HPSE: variants seen among roughly 807,000 people sequenced by gnomAD.
HPSE encodes the protein endo-glucoronidase.
Under a neutral mutation model 65.1 loss-of-function variants are expected in HPSE, and 48 were observed. The observed-to-expected ratio is 0.74, with a 90% confidence interval of 0.58 to 0.94. The LOEUF is 0.94. Among genes scored for constraint, HPSE ranks in the 40% least tolerant of loss-of-function variants. The probability of loss-of-function intolerance (pLI) is 0.00; values close to 1 mark genes in which losing one functional copy is unlikely to be tolerated. For missense variants in HPSE, 644 were observed against 637.5 expected (o/e 1.01, Z -0.11); for synonymous variants, 243 against 260.0 (o/e 0.93, Z 0.63).
rs369900817 is a variant in HPSE at position 83,313,300 on chromosome 4, C to T, written c.500-13G>A. 1.3e-5 allele frequency: 20 copies of T among 1,593,044 alleles called. No homozygotes were observed. The highest frequency in any genetic ancestry group is 1.7e-4 in the Middle Eastern group (1 of 5,984). On this transcript the variant is annotated splice_polypyrimidine_tract_variant and intron_variant, in intron 3 of 11. Coordinates refer to ENST00000311412, the MANE Select transcript of HPSE (RefSeq NM_001098540.3). ...TCTACAGAGCTTCCTAAAAGAAAAA[C>T]GTCACAATTTAATGGTTAGATTGGC...
chr4:83,303,062 T>C (rs1446481414), intron 9 of HPSE, among the ~76,000 whole-genome samples: 1 of 152,126 alleles, frequency 6.6e-6, no homozygotes, highest in Non-Finnish European at 1.5e-5. Flanking sequence ...TAGGCAATGG[T>C]CATCAGTAGC....
At chr4:83,297,990 A>G (rs1214762033) in intron 11 of HPSE, among the ~76,000 whole-genome samples, 1 of 152,336 alleles carries the variant, frequency 6.6e-6, no homozygotes, top group East Asian at 1.9e-4. Context: ...ACTGTGAATT[A>G]ATCCTGCTGG....
At chr4:83,299,791 C>T (rs576315153) in intron 11 of HPSE, among the ~76,000 whole-genome samples, 122 of 152,056 alleles carry the variant, frequency 8.0e-4, no homozygotes, top group African/African-American at 2.7e-3. Flanking sequence ...GCAGCCATGA[C>T]CCCCCTGGGC....
intron 11 of HPSE, among the ~76,000 whole-genome samples, chr4:83,297,593 A>C (rs534367494): frequency 3.9e-5 from 6 of 152,320 alleles, no homozygotes; most frequent in African/African-American, 1.4e-4. Flanking sequence ...CCCTGTCCTC[A>C]TTAAGCATCA....
intron 1 of HPSE, among the ~76,000 whole-genome samples, chr4:83,328,281 C>T (rs767046115): frequency 9.9e-5 from 15 of 152,202 alleles, no homozygotes; most frequent in Non-Finnish European, 1.9e-4. Flanking sequence ...TGTTCCAGGT[C>T]TTTCTCCTAA....
chr4:83,310,687 A>G, intron 5 of HPSE, 35 bp downstream of exon 5: 3 of 1,570,058 alleles, frequency 1.9e-6, no homozygotes, highest in Non-Finnish European at 2.6e-6. Context: ...GAAAAAGAAG[A>G]AAAGTAAAGT....
rs548160582 is a variant in HPSE at position 83,294,545 on chromosome 4, T to C, written c.*799A>G. 1 of 152,258 alleles carries C rather than the reference T, an allele frequency of 6.6e-6. No homozygotes were observed. The highest frequency in any genetic ancestry group is 1.9e-4 in the East Asian group (1 of 5,186). 9.4% of individuals were successfully genotyped at this position (152,258 alleles called of 1,614,324 possible). Reference sequence around the variant, plus strand: ...GGCCAAGGTGGGAGGATCAATTGAGTCCAGGAGTTCAGGACCAGTTTGGGT... The same window carrying C: ...GGCCAAGGTGGGAGGATCAATTGAGCCCAGGAGTTCAGGACCAGTTTGGGT... On this transcript the variant is annotated 3_prime_UTR_variant, in exon 12 of 12. Coordinates refer to ENST00000311412, the MANE Select transcript of HPSE (RefSeq NM_001098540.3).
chr4:83,325,332 A>G (rs1428722699), intron 1 of HPSE, among the ~76,000 whole-genome samples: 5 of 151,850 alleles, frequency 3.3e-5, no homozygotes, highest in Admixed American at 2.0e-4. Flanking sequence ...TGCCCAGCTA[A>G]TTTTTGTATT....
At position 83,306,227 on chromosome 4, in the gene HPSE, C is replaced by T. The variant is rs762921554; in HGVS notation, c.1182G>A (p.Val394=). The change falls in exon 9 of 12, where the codon GTG becomes GTA. Residue 394 remains valine, a synonymous_variant. Transcript: ENST00000311412. Reference sequence around the variant, plus strand: ...CAGGTAAAGGATCGAAGTTTTCATCCACTAAATGGTAGTTTCCTGCTCCAA... The same window carrying T: ...CAGGTAAAGGATCGAAGTTTTCATCTACTAAATGGTAGTTTCCTGCTCCAA... ...VFFGAGNYHL[V]DENFDPLPDY... 1 of 1,609,554 alleles carries T rather than the reference C, an allele frequency of 6.2e-7. No individual in the cohort carries two copies. Among genetic ancestry groups the T allele is most frequent in the Non-Finnish European group, 8.5e-7 (1 of 1,175,874 alleles).
chr4:83,322,819 G>GTGTGTGTGTGTGTGTGTGTGTT (rs1736974429), intron 1 of HPSE, among the ~76,000 whole-genome samples: 1 of 150,208 alleles, frequency 6.7e-6, no homozygotes, highest in Non-Finnish European at 1.5e-5. Context: ...GTGTGTGTGT[G>GTGTGTGTGTGTGTGTGTGTGTT]TGTGTGTGTG....
intron 10 of HPSE, among the ~76,000 whole-genome samples, chr4:83,301,363 A>T (rs1735942250): frequency 1.3e-5 from 2 of 152,168 alleles, no homozygotes. Flanking sequence ...GCTAGAGCAC[A>T]CTGAGATCCT....
intron 11 of HPSE, among the ~76,000 whole-genome samples, chr4:83,296,302 A>G (rs1054935454): frequency 6.6e-6 from 1 of 152,228 alleles, no homozygotes; most frequent in African/African-American, 2.4e-5. Flanking sequence ...TCATAATTCT[A>G]AATAAGATGC....
intron 6 of HPSE, among the ~76,000 whole-genome samples, chr4:83,309,745 T>G (rs918914997): frequency 6.6e-6 from 1 of 152,236 alleles, no homozygotes; most frequent in African/African-American, 2.4e-5. Flanking sequence ...CCTGGGTTAC[T>G]GGTTCTTTGG....
chr4:83,308,942 T>G lies in HPSE; in HGVS notation c.994A>C (p.Ser332Arg), dbSNP rs1340191774. 6.2e-7 allele frequency: 1 copy of G among 1,613,798 alleles called. No individual in the cohort carries two copies. Among genetic ancestry groups the G allele is most frequent in the Non-Finnish European group, 8.5e-7 (1 of 1,179,786 alleles). ...CAGACCTTCTTGCCAGGCCTGGTGC[T>G]CTCAACCACCTATAGAACAGAAAAG... Reference protein sequence around the residue: ...SVQKVFQVVESTRPGKKVWLG... With the variant: ...SVQKVFQVVERTRPGKKVWLG... Residue 332 changes from serine (S) to arginine (R), a missense_variant, in exon 8 of 12, where the codon AGC (serine) becomes CGC (arginine). Ser to Arg is a moderately radical substitution (Grantham distance 110). Transcript: ENST00000311412.
intron 6 of HPSE, 34 bp from the exon 7 acceptor site, chr4:83,309,529 A>T (rs1381808786): frequency 8.5e-7 from 1 of 1,178,948 alleles, no homozygotes; most frequent in Non-Finnish European, 1.3e-6. Flanking sequence ...GAAAAAAAAT[A>T]ACAAATTTTA....
chr4:83,309,636 C>T (rs982095374), intron 6 of HPSE, 141 bp from the exon 7 acceptor site: 59 of 635,216 alleles, frequency 9.3e-5, no homozygotes, highest in Non-Finnish European at 1.5e-4. Flanking sequence ...TAGGGAAAGA[C>T]CAAGATGGAA....
At position 83,293,947 on chromosome 4, in the gene HPSE, A is replaced by G. The variant is rs1272859283; in HGVS notation, c.*1397T>C. 1 of 152,250 alleles carries G rather than the reference A, an allele frequency of 6.6e-6. No homozygotes were observed. Among genetic ancestry groups the G allele is most frequent in the Non-Finnish European group, 1.5e-5 (1 of 68,050 alleles). The allele number at this position is 152,250 out of a possible 1,614,324, so 9.4% of individuals were successfully genotyped here. A position where few individuals can be genotyped will look rare whatever the true frequency, so the allele number is the denominator to read the frequency against. ...TGTAGAGATGGCACATGAAGGAAAG[A>G]ATTCTAAAATCTTCTAATACATTTT... On this transcript the variant is annotated 3_prime_UTR_variant, in exon 12 of 12. Coordinates refer to ENST00000311412, the MANE Select transcript of HPSE (RefSeq NM_001098540.3).
chr4:83,320,856 C>T (rs1327708490), intron 2 of HPSE, among the ~76,000 whole-genome samples: 3 of 152,254 alleles, frequency 2.0e-5, no homozygotes, highest in South Asian at 4.1e-4. Context: ...TTCCTGTCTA[C>T]ATTTATGAGA....
chr4:83,312,651 C>T lies in HPSE; in HGVS notation c.673+463G>A, dbSNP rs1315139948. Among the ~76,000 whole-genome samples, 48 of 131,064 alleles carry T rather than the reference C, an allele frequency of 3.7e-4. 1 individual carries two copies. The South Asian group carries it at 0.011, about 31-fold the overall frequency. The allele number at this position is 131,064 out of a possible 152,430, so 86.0% of individuals were successfully genotyped here. The stretch of plus-strand genomic sequence containing the variant: ...CGAGATGGCGCCACTGCACTCCAGC[C>T]TGGGCGACAGAGCGAGACTCCGTCT... On this transcript the variant is annotated intron_variant, in intron 4 of 11. Coordinates refer to ENST00000311412, the MANE Select transcript of HPSE (RefSeq NM_001098540.3).
Sources: gnomAD v4.1 joint callset for allele counts (sites outside exome capture counted in the v4.1 genomes callset) on GRCh38, gnomAD v4.1.1 for gene constraint, MANE v1.5 for transcripts, NCBI Gene and HGNC (gene_info 2026-07-23, HGNC 2026-07-21) for gene names.